The following TANC2 variants were observed in gnomAD, a reference collection of about 807,000 sequenced individuals.
TANC2 encodes the protein tetratricopeptide repeat, ankyrin repeat and coiled-coil containing 2, also known as protein TANC2.
TANC2 carries 26 observed loss-of-function variants against 210.5 expected under a neutral mutation model. The ratio of observed to expected loss-of-function variants is 0.12; its 90% CI spans 0.09 to 0.17. TANC2 has a LOEUF of 0.17. Among genes scored for constraint, TANC2 ranks in the 10% least tolerant of loss-of-function variants. TANC2 has a pLI of 1.00. For missense variants in TANC2, 2,129 were observed against 2,608.9 expected (o/e 0.82, Z 4.01); for synonymous variants, 931 against 967.1 (o/e 0.96, Z 0.69).
chr17:62,979,686 G>A (rs567032117), intron 1 of TANC2, among the ~76,000 whole-genome samples: 1 of 152,298 alleles, frequency 6.6e-6, no homozygotes, highest in South Asian at 2.1e-4. Context: ...TGAGGTGGGA[G>A]GATTGCTTGA....
chr17:63,330,801 C>T (rs942744207), intron 11 of TANC2, among the ~76,000 whole-genome samples: 3 of 152,110 alleles, frequency 2.0e-5, no homozygotes, highest in South Asian at 2.1e-4. Context: ...GTAGGCGGAG[C>T]GCGGTGGCTC....
intron 14 of TANC2, among the ~76,000 whole-genome samples, chr17:63,361,699 G>A (rs536961356): frequency 1.9e-4 from 29 of 152,356 alleles, no homozygotes; most frequent in African/African-American, 2.6e-4. Flanking sequence ...ACAATGTGGC[G>A]AGCAGTGGGG....
chr17:63,166,198 G>A (rs183690178), intron 5 of TANC2, among the ~76,000 whole-genome samples: 3 of 152,278 alleles, frequency 2.0e-5, no homozygotes, highest in Admixed American at 1.3e-4. Context: ...ATGGAAGATT[G>A]TAGTGTAAGC....
chr17:63,162,943 T>C (rs1367733331), intron 5 of TANC2, among the ~76,000 whole-genome samples: 1 of 151,996 alleles, frequency 6.6e-6, no homozygotes, highest in East Asian at 1.9e-4. Context: ...CACGTTTAAC[T>C]GTACTGGAAC....
Position 63,193,976 on chromosome 17 carries a change from G to T in TANC2, c.434-15G>T. On this transcript the variant is annotated splice_polypyrimidine_tract_variant and intron_variant, in intron 5 of 27. Transcript: ENST00000689528. ...TTTTGAAAGATTCATGTTCTTCAATGCCTTCTTGTTACAGGTGATGCTGAA... is the reference window on the plus strand; with the variant it reads ...TTTTGAAAGATTCATGTTCTTCAATTCCTTCTTGTTACAGGTGATGCTGAA... The T allele has an allele frequency of 6.2e-7, 1 of 1,607,756 alleles. No homozygotes were observed. The highest frequency in any genetic ancestry group is 8.5e-7 in the Non-Finnish European group (1 of 1,176,962).
At chr17:63,224,398 C>T (rs1461901890) in intron 7 of TANC2, among the ~76,000 whole-genome samples, 3 of 151,950 alleles carry the variant, frequency 2.0e-5, no homozygotes, top group Non-Finnish European at 2.9e-5. Flanking sequence ...ATTACAGGGG[C>T]GCACCACCAC....
At chr17:63,377,787 G>A (rs1440922895) in intron 14 of TANC2, among the ~76,000 whole-genome samples, 1 of 152,198 alleles carries the variant, frequency 6.6e-6, no homozygotes, top group African/African-American at 2.4e-5. Flanking sequence ...AGAAATACCT[G>A]AAACTGGGTG....
At chr17:63,416,861 G>C (rs998560965) in intron 26 of TANC2, among the ~76,000 whole-genome samples, 1 of 152,232 alleles carries the variant, frequency 6.6e-6, no homozygotes, top group Non-Finnish European at 1.5e-5. Flanking sequence ...GGTCTCGGGA[G>C]ACAGATTTTC....
chr17:63,358,214 A>G (rs1450769603), intron 14 of TANC2, among the ~76,000 whole-genome samples: 1 of 152,198 alleles, frequency 6.6e-6, no homozygotes, highest in Non-Finnish European at 1.5e-5. Flanking sequence ...TTGAGTTTTC[A>G]TTATTTTGAA....
At chr17:63,401,650 A>G (rs2048347546) in intron 19 of TANC2, among the ~76,000 whole-genome samples, 2 of 152,084 alleles carry the variant, frequency 1.3e-5, no homozygotes, top group African/African-American at 4.8e-5. Flanking sequence ...TCCAGCTTTC[A>G]CTATCTGCTG....
intron 4 of TANC2, among the ~76,000 whole-genome samples, chr17:63,123,371 C>T (rs931153938): frequency 5.3e-5 from 8 of 151,740 alleles, no homozygotes; most frequent in Admixed American, 1.3e-4. Context: ...TACTGGCTGG[C>T]GCAGTGGAAT....
At chr17:63,309,710 A>G (rs568733690) in intron 9 of TANC2, among the ~76,000 whole-genome samples, 2 of 152,300 alleles carry the variant, frequency 1.3e-5, no homozygotes, top group South Asian at 2.1e-4. Flanking sequence ...GTAAATTTCA[A>G]ACTAATTCCG....
intron 11 of TANC2, among the ~76,000 whole-genome samples, chr17:63,335,334 C>A (rs1018810842): frequency 6.6e-6 from 1 of 152,138 alleles, no homozygotes; most frequent in Non-Finnish European, 1.5e-5. Context: ...TCAAGATGGC[C>A]GGGCACGGTG....
At chr17:63,102,287 GA>G (rs996583017) in intron 4 of TANC2, among the ~76,000 whole-genome samples, 2 of 151,552 alleles carry the variant, frequency 1.3e-5, no homozygotes, top group Non-Finnish European at 2.9e-5. Context: ...TCAGGCCTGG[GA>G]AACAGAACAA....
intron 11 of TANC2, among the ~76,000 whole-genome samples, chr17:63,330,994 T>G (rs1488821802): frequency 6.6e-6 from 1 of 152,154 alleles, no homozygotes; most frequent in Non-Finnish European, 1.5e-5. Flanking sequence ...GAGAATTGCT[T>G]GAACCCGGGA....
At chr17:63,118,744 G>A (rs1027055390) in intron 4 of TANC2, among the ~76,000 whole-genome samples, 2 of 151,130 alleles carry the variant, frequency 1.3e-5, no homozygotes, top group African/African-American at 4.9e-5. Flanking sequence ...TGAGTAGCTT[G>A]GACTACAGGC....
chr17:63,141,379 T>TAAAAAAAAAAAAA (rs71155970), intron 4 of TANC2, among the ~76,000 whole-genome samples: 5 of 21,876 alleles, frequency 2.3e-4, no homozygotes, highest in African/African-American at 4.6e-4. Context: ...CCGTTTCTAC[T>TAAAAAAAAAAAAA]AAAAAAAAAA....
At chr17:63,043,399 A>G (rs936324448) in intron 2 of TANC2, among the ~76,000 whole-genome samples, 7 of 152,130 alleles carry the variant, frequency 4.6e-5, no homozygotes, top group African/African-American at 1.7e-4. Context: ...ACCCATATAC[A>G]TACATATATA....
chr17:63,398,875 G>A, exon 19 of TANC2: 1 of 1,598,378 alleles, frequency 6.3e-7, no homozygotes, highest in Non-Finnish European at 8.5e-7. Flanking sequence ...AGTAGAGCGA[G>A]CACAGATCAA....
Sources: allele counts gnomAD v4.1 joint callset (sites outside exome capture counted in the v4.1 genomes callset), GRCh38; gene constraint gnomAD v4.1.1; transcripts MANE v1.5; gene names NCBI Gene and HGNC (gene_info 2026-07-23, HGNC 2026-07-21).